The following PREX2 variants were observed in gnomAD, a reference collection of about 807,000 sequenced individuals.
PREX2 encodes phosphatidylinositol 3,4,5-trisphosphate-dependent Rac exchanger 2 protein.
PREX2 carries 107 observed loss-of-function variants against 203.2 expected under a neutral mutation model. That is an observed-to-expected ratio of 0.53 (90% confidence interval 0.45 to 0.62). The LOEUF (loss-of-function observed/expected upper bound fraction) is 0.62, where lower values mean the gene tolerates loss of function less well. Ranked by LOEUF, PREX2 falls within the 20% of genes least tolerant of loss-of-function variation. The pLI is 0.00. For synonymous variants in PREX2, 672 were observed against 663.6 expected (o/e 1.01, Z -0.19); for missense variants, 1,777 against 1,955.9 (o/e 0.91, Z 1.72).
rs1258748153 is a variant in PREX2 at position 68,060,872 on chromosome 8, T to TTA, written c.1339+96_1339+97dup. ...TCAGTTTAGTTTACAATTCCCCACA[T>TTA]TATAGGATGCTTGTTGTTTTTAACA... is the stretch of plus-strand genomic sequence containing the variant. On this transcript the variant is annotated intron_variant, in intron 11 of 39. Coordinates refer to ENST00000288368, the MANE Select transcript of PREX2 (RefSeq NM_024870.4). The TTA allele has an allele frequency of 5.0e-6, 4 of 798,252 alleles. No homozygotes were observed. The East Asian group carries it at 1.1e-4, about 22-fold the overall frequency. 49.4% of individuals were successfully genotyped at this position (798,252 alleles called of 1,614,324 possible). A position where few individuals can be genotyped will look rare whatever the true frequency, so the allele number is the denominator to read the frequency against.
chr8:68,168,661 T>G (rs890206053), intron 35 of PREX2, among the ~76,000 whole-genome samples: 5 of 152,192 alleles, frequency 3.3e-5, no homozygotes, highest in African/African-American at 1.2e-4. Context: ...ATTTCTTCCT[T>G]TATTTTTCCT....
At chr8:68,055,680 T>G in intron 9 of PREX2, 150 bp from the exon 10 acceptor site, 1 of 691,636 alleles carries the variant, frequency 1.4e-6, no homozygotes, top group Non-Finnish European at 2.3e-6. Context: ...CTGAGCTTCT[T>G]GAACACCAGG....
chr8:68,086,976 A>C (rs2129612087), intron 18 of PREX2, among the ~76,000 whole-genome samples: 1 of 152,300 alleles, frequency 6.6e-6, no homozygotes, highest in East Asian at 1.9e-4. Flanking sequence ...TTTCTGTTAC[A>C]TTAATTTTTA....
At position 68,080,380 on chromosome 8, in the gene PREX2, C is replaced by T. The variant is rs926732692; in HGVS notation, c.1643-63C>T. 5.6e-6 allele frequency: 8 copies of T among 1,427,230 alleles called. No individual in the cohort carries two copies. In the African/African-American group the frequency reaches 8.5e-5, roughly 15 times the overall value. 88.4% of individuals were successfully genotyped at this position (1,427,230 alleles called of 1,614,324 possible). ...AGGTATTAATTTGTAAATGTCACTG[C>T]TATTGAAAATGAGTGCGATTTTTGA... On this transcript the variant is annotated intron_variant, in intron 15 of 39. Transcript: ENST00000288368.
In PREX2 at chr8:68,188,218, G is replaced by C. The variant is rs1335463963; in HGVS notation, c.4347-3504G>C. On this transcript the variant is annotated intron_variant, in intron 35 of 39. Coordinates refer to ENST00000288368, the MANE Select transcript of PREX2 (RefSeq NM_024870.4). ...GATGTCAAAACAATGTCATAGATCAGATATGCAACTGCTTACAAATGTGTG... is the reference window on the plus strand; with the variant it reads ...GATGTCAAAACAATGTCATAGATCACATATGCAACTGCTTACAAATGTGTG... 1.3e-5 allele frequency among the ~76,000 whole-genome samples: 2 copies of C among 152,124 alleles called. 1 individual carries two copies. Among genetic ancestry groups the C allele is most frequent in the Non-Finnish European group, 2.9e-5 (2 of 68,028 alleles).
Position 68,120,991 on chromosome 8 carries a change from T to A in PREX2, c.3666T>A (p.Pro1222=). 6.2e-7 allele frequency: 1 copy of A among 1,613,754 alleles called. No homozygotes were observed. The highest frequency in any genetic ancestry group is 8.5e-7 in the Non-Finnish European group (1 of 1,179,696). The stretch of plus-strand genomic sequence containing the variant: ...TACGGCTTCATATCAAGCAAGATCC[T>A]TGGAATCTTCCCAGCAGCGTCCGGA... ...KRLRLHIKQD[P]WNLPSSVRTL... The change falls in exon 30 of 40, where the codon CCT becomes CCA. Residue 1222 remains proline, a synonymous_variant. Transcript: ENST00000288368.
intron 11 of PREX2, among the ~76,000 whole-genome samples, chr8:68,061,524 G>T (rs1808853782): frequency 6.6e-6 from 1 of 152,160 alleles, no homozygotes; most frequent in Admixed American, 6.5e-5. Context: ...AAGGTCTTCA[G>T]CAGGTCTGCC....
In PREX2 at chr8:68,232,624, T is replaced by C. The variant is rs1244248873; in HGVS notation, c.*1246T>C. On this transcript the variant is annotated 3_prime_UTR_variant, in exon 40 of 40. Coordinates refer to ENST00000288368, the MANE Select transcript of PREX2 (RefSeq NM_024870.4). ...TTATGTGCAAACTATTATTAATTTT[T>C]TTTTTATTTTTTGAAACTGAGTCTC... 6.6e-6 allele frequency: 1 copy of C among 152,320 alleles called. No homozygotes were observed. Among genetic ancestry groups the C allele is most frequent in the Admixed American group, 6.5e-5 (1 of 15,290 alleles). The allele number at this position is 152,320 out of a possible 1,614,324, so 9.4% of individuals were successfully genotyped here.
intron 31 of PREX2, among the ~76,000 whole-genome samples, chr8:68,133,791 TCAAA>T (rs1336209224): frequency 1.3e-5 from 2 of 152,206 alleles, no homozygotes; most frequent in Non-Finnish European, 2.9e-5. Flanking sequence ...TCAGATTTTA[TCAAA>T]CAATTTAATG....
chr8:68,233,358 T>C lies in PREX2; in HGVS notation c.*1980T>C, dbSNP rs1347962974. The C allele has an allele frequency of 6.6e-6, 1 of 152,200 alleles. No homozygotes were observed. The highest frequency in any genetic ancestry group is 1.5e-5 in the Non-Finnish European group (1 of 68,030). The allele number at this position is 152,200 out of a possible 1,614,324, so 9.4% of individuals were successfully genotyped here. On this transcript the variant is annotated 3_prime_UTR_variant, in exon 40 of 40. Transcript: ENST00000288368. The stretch of plus-strand genomic sequence containing the variant: ...GTCATTAAAATGATTTCAGTTGTAC[T>C]TTGCCATATTTCATGGGGCAAATTA...
intron 35 of PREX2, among the ~76,000 whole-genome samples, chr8:68,177,446 T>G (rs1211152287): frequency 6.6e-6 from 1 of 152,048 alleles, no homozygotes; most frequent in Non-Finnish European, 1.5e-5. Context: ...ATGCCTATAG[T>G]CCCAACTACT....
intron 22 of PREX2, 64 bp from the exon 23 acceptor site, chr8:68,099,618 T>G: frequency 6.9e-7 from 1 of 1,457,672 alleles, no homozygotes; most frequent in African/African-American, 1.4e-5. Context: ...CGTTTTGTTT[T>G]TCTATGTGTG....
At chr8:67,964,599 A>G (rs1805716794) in intron 1 of PREX2, among the ~76,000 whole-genome samples, 1 of 152,182 alleles carries the variant, frequency 6.6e-6, no homozygotes, top group African/African-American at 2.4e-5. Flanking sequence ...TATATTTGTA[A>G]GAGCTCCAGA....
intron 38 of PREX2, among the ~76,000 whole-genome samples, chr8:68,222,299 G>T (rs1812968289): frequency 6.6e-6 from 1 of 151,928 alleles, no homozygotes. Flanking sequence ...TACCAGACGA[G>T]AAAAGGAAGA....
intron 37 of PREX2, among the ~76,000 whole-genome samples, chr8:68,209,349 T>A (rs1325679337): frequency 2.6e-5 from 4 of 152,174 alleles, no homozygotes; most frequent in Admixed American, 6.5e-5. Context: ...GATAATGACC[T>A]GGCTTTTAAT....
intron 35 of PREX2, among the ~76,000 whole-genome samples, chr8:68,164,464 G>A (rs1402099715): frequency 6.6e-6 from 1 of 151,564 alleles, no homozygotes; most frequent in African/African-American, 2.4e-5. Context: ...TTTTAGTCAA[G>A]CTGACTTCTG....
chr8:68,093,735 T>C lies in PREX2; in HGVS notation c.2368+13T>C. On this transcript the variant is annotated intron_variant, in intron 21 of 39. Coordinates refer to ENST00000288368, the MANE Select transcript of PREX2 (RefSeq NM_024870.4). The stretch of plus-strand genomic sequence containing the variant: ...TGTAAAGTAGAAGGTAGGTTTCTTA[T>C]TTTCTTCTTCATGTGCTTATAGTAT... 7.3e-7 allele frequency: 1 copy of C among 1,367,818 alleles called. No homozygotes were observed. Among genetic ancestry groups the C allele is most frequent in the Non-Finnish European group, 1.0e-6 (1 of 960,592 alleles). The allele number at this position is 1,367,818 out of a possible 1,614,324, so 84.7% of individuals were successfully genotyped here. A position where few individuals can be genotyped will look rare whatever the true frequency, so the allele number is the denominator to read the frequency against.
intron 35 of PREX2, among the ~76,000 whole-genome samples, chr8:68,183,225 G>C (rs775137954): frequency 8.5e-5 from 13 of 152,082 alleles, no homozygotes; most frequent in Admixed American, 2.0e-4. Flanking sequence ...GGTATACAGA[G>C]AAAGGACATG....
chr8:67,965,239 T>C (rs985252426), intron 1 of PREX2, among the ~76,000 whole-genome samples: 1 of 152,064 alleles, frequency 6.6e-6, no homozygotes, highest in African/African-American at 2.4e-5. Flanking sequence ...CTTTCAGAAA[T>C]AGAAAACCTT....
Sources: allele counts gnomAD v4.1 joint callset (sites outside exome capture counted in the v4.1 genomes callset), GRCh38; gene constraint gnomAD v4.1.1; transcripts MANE v1.5; gene names NCBI Gene and HGNC (gene_info 2026-07-23, HGNC 2026-07-21).